The following NEBL variants were observed in gnomAD, a reference collection of about 807,000 sequenced individuals.
NEBL encodes the protein nebulette.
NEBL carries 122 observed loss-of-function variants against 140.2 expected under a neutral mutation model. That is an observed-to-expected ratio of 0.87 (90% CI 0.75 to 1.01). The LOEUF is 1.01. Among genes scored for constraint, NEBL ranks in the 50% least tolerant of loss-of-function variants. NEBL has a pLI of 0.00. For synonymous variants in NEBL, 436 were observed against 398.9 expected (o/e 1.09, Z -1.11); for missense variants, 1,365 against 1,231.3 (o/e 1.11, Z -1.62).
chr10:21,008,984 A>G (rs781248786), intron 3 of NEBL, among the ~76,000 whole-genome samples: 8 of 151,846 alleles, frequency 5.3e-5, no homozygotes, highest in Non-Finnish European at 1.0e-4. Flanking sequence ...CTCCTAAGAC[A>G]TTAAGTGGTA....
chr10:21,101,480 A>C (rs1180814486), intron 2 of NEBL, among the ~76,000 whole-genome samples: 1 of 152,232 alleles, frequency 6.6e-6, no homozygotes. Flanking sequence ...GATAAGAGCC[A>C]CTGTGAAACA....
intron 2 of NEBL, among the ~76,000 whole-genome samples, chr10:21,154,246 G>T (rs925379955): frequency 6.6e-6 from 1 of 151,988 alleles, no homozygotes; most frequent in African/African-American, 2.4e-5. Context: ...ATCACCTGAG[G>T]TCAGGAGTTC....
chr10:21,262,112 C>T (rs1381034771), intron 1 of NEBL, among the ~76,000 whole-genome samples: 3 of 152,170 alleles, frequency 2.0e-5, no homozygotes, highest in South Asian at 2.1e-4. Flanking sequence ...CTGGCACACA[C>T]GCCTGGTGAT....
At chr10:21,189,848 G>T (rs948472961) in intron 3 of NEBL, among the ~76,000 whole-genome samples, 3 of 152,184 alleles carry the variant, frequency 2.0e-5, no homozygotes, top group African/African-American at 7.2e-5. Flanking sequence ...AATTTGGAAA[G>T]GTTTTCTAAA....
intron 2 of NEBL, among the ~76,000 whole-genome samples, chr10:21,129,533 G>A (rs1839002102): frequency 6.6e-6 from 1 of 151,854 alleles, no homozygotes; most frequent in Admixed American, 6.6e-5. Context: ...AAATATCTAT[G>A]TACAGGCACA....
At chr10:21,250,763 A>T (rs1161415823) in intron 2 of NEBL, among the ~76,000 whole-genome samples, 1 of 152,072 alleles carries the variant, frequency 6.6e-6, no homozygotes, top group South Asian at 2.1e-4. Flanking sequence ...ATACAAAAAA[A>T]AATTAGCCAG....
At chr10:21,027,252 C>A (rs1394256389) in intron 2 of NEBL, among the ~76,000 whole-genome samples, 4 of 151,402 alleles carry the variant, frequency 2.6e-5, no homozygotes, top group East Asian at 1.9e-4. Context: ...GCGTAACAGG[C>A]TTTCATTCAT....
At chr10:20,817,366 C>CA (rs369605717) in intron 21 of NEBL, among the ~76,000 whole-genome samples, 152 of 151,820 alleles carry the variant, frequency 1.0e-3, no homozygotes, top group African/African-American at 3.5e-3. Flanking sequence ...GACCCTGTCT[C>CA]AAAAAAACAA....
chr10:21,009,831 G>T (rs1213549315), intron 3 of NEBL, among the ~76,000 whole-genome samples: 1 of 152,088 alleles, frequency 6.6e-6, no homozygotes, highest in Non-Finnish European at 1.5e-5. Flanking sequence ...TGAGGTAAAG[G>T]AAAATGACAA....
intron 2 of NEBL, among the ~76,000 whole-genome samples, chr10:21,099,025 C>T (rs774533888): frequency 2.0e-5 from 3 of 152,082 alleles, no homozygotes; most frequent in Non-Finnish European, 4.4e-5. Context: ...CCTATCTACT[C>T]GGAAGGCTAA....
At chr10:21,069,146 C>A (rs1418854780) in intron 2 of NEBL, among the ~76,000 whole-genome samples, 1 of 152,166 alleles carries the variant, frequency 6.6e-6, no homozygotes, top group African/African-American at 2.4e-5. Context: ...GCCTTATCCT[C>A]CCAAAGTGTT....
intron 17 of NEBL, among the ~76,000 whole-genome samples, chr10:20,828,111 C>G (rs556193432): frequency 1.0e-3 from 152 of 152,070 alleles, no homozygotes; most frequent in African/African-American, 3.5e-3. Context: ...AATTCCTCTT[C>G]CTCAAAATAA....
chr10:20,961,748 T>C, exon 4 of NEBL: 1 of 1,613,878 alleles, frequency 6.2e-7, no homozygotes, highest in Non-Finnish European at 8.5e-7. Context: ...GCCCCTCCCT[T>C]TGCTTTCTTC....
At chr10:21,292,636 A>T (rs57325603) in intron 1 of NEBL, among the ~76,000 whole-genome samples, 2 of 152,188 alleles carry the variant, frequency 1.3e-5, no homozygotes, top group Non-Finnish European at 2.9e-5. Context: ...CTATTCTTTT[A>T]AAAAGGACTT....
intron 3 of NEBL, among the ~76,000 whole-genome samples, chr10:20,963,508 C>T (rs1047631945): frequency 6.6e-6 from 1 of 152,112 alleles, no homozygotes; most frequent in Non-Finnish European, 1.5e-5. Flanking sequence ...TTTCCAAAGA[C>T]AGAGGTGAAA....
chr10:20,829,848 A>T (rs1840237674), intron 16 of NEBL, among the ~76,000 whole-genome samples: 1 of 152,168 alleles, frequency 6.6e-6, no homozygotes, highest in African/African-American at 2.4e-5. Context: ...CATGATTATT[A>T]GATTTATCTG....
intron 4 of NEBL, among the ~76,000 whole-genome samples, chr10:20,957,458 T>C (rs1835859706): frequency 6.6e-6 from 1 of 152,032 alleles, no homozygotes; most frequent in South Asian, 2.1e-4. Context: ...AAATTGAAAG[T>C]GGTAGCAAAA....
intron 2 of NEBL, among the ~76,000 whole-genome samples, chr10:21,077,222 CA>C (rs55822856): frequency 4.0e-5 from 6 of 151,536 alleles, no homozygotes; most frequent in African/African-American, 7.3e-5. Flanking sequence ...TACTTTTCTT[CA>C]AAAAAAATAA....
At chr10:21,196,675 C>A (rs543757973) in intron 3 of NEBL, among the ~76,000 whole-genome samples, 1 of 152,244 alleles carries the variant, frequency 6.6e-6, no homozygotes, top group African/African-American at 2.4e-5. Context: ...ACTATTGATA[C>A]TGGAGACAGC....
Sources: allele counts gnomAD v4.1 joint callset (sites outside exome capture counted in the v4.1 genomes callset), GRCh38; gene constraint gnomAD v4.1.1; transcripts MANE v1.5; gene names NCBI Gene and HGNC (gene_info 2026-07-23, HGNC 2026-07-21).